Variants in KCNQ2 observed in about 807,000 individuals in gnomAD.
KCNQ2 encodes the protein potassium voltage-gated channel subfamily KQT member 2.
Under a neutral mutation model 84.8 loss-of-function variants are expected in KCNQ2, and 14 were observed. The ratio of observed to expected loss-of-function variants is 0.17; its 90% CI spans 0.11 to 0.26. The LOEUF (loss-of-function observed/expected upper bound fraction) is 0.26, where lower values mean the gene tolerates loss of function less well. Among genes scored for constraint, KCNQ2 ranks in the 10% least tolerant of loss-of-function variants. The pLI is 1.00. For missense variants in KCNQ2, 788 were observed against 1,254.0 expected (o/e 0.63, Z 5.61); for synonymous variants, 599 against 554.1 (o/e 1.08, Z -1.14).
chr20:63,470,108 A>G (rs917804755), intron 1 of KCNQ2, among the ~76,000 whole-genome samples: 1 of 152,196 alleles, frequency 6.6e-6, no homozygotes, highest in Non-Finnish European at 1.5e-5. Context: ...CCAGTGTCCA[A>G]CCCGAGGCAG....
At chr20:63,415,864 C>T (rs183735704) in intron 12 of KCNQ2, among the ~76,000 whole-genome samples, 1 of 152,288 alleles carries the variant, frequency 6.6e-6, no homozygotes, top group Admixed American at 6.5e-5. Flanking sequence ...AGCCTCCCTC[C>T]TCCCCTCCCA....
chr20:63,442,779 C>G (rs202110551), intron 4 of KCNQ2, among the ~76,000 whole-genome samples: 1 of 23,266 alleles, frequency 4.3e-5, no homozygotes, highest in African/African-American at 2.4e-4. Flanking sequence ...ACCATCACCA[C>G]CACCACCATC....
chr20:63,439,796 G>T, intron 5 of KCNQ2, 88 bp from the exon 6 acceptor site: 1 of 954,938 alleles, frequency 1.0e-6, no homozygotes, highest in East Asian at 2.5e-5. Flanking sequence ...CGGGGCTTGG[G>T]ATGGGACAGA....
chr20:63,462,009 T>A (rs78541511), intron 1 of KCNQ2, among the ~76,000 whole-genome samples: 2 of 112,062 alleles, frequency 1.8e-5, no homozygotes, highest in Non-Finnish European at 3.6e-5. Context: ...GGGAGGAGGC[T>A]GCACCTACCC....
rs190905407 is a variant in KCNQ2, at chr20:63,468,041, T to C, written c.296+4127A>G. 7.9e-5 allele frequency among the ~76,000 whole-genome samples: 12 copies of C among 152,330 alleles called. No homozygotes were observed. The East Asian group carries it at 2.3e-3, about 29-fold the overall frequency. Reference sequence around the variant, plus strand: ...ACAGAGATTGACTCCACTGTGTAACTAAGCAGCATCATGTACAATGTCTTA... The same window carrying C: ...ACAGAGATTGACTCCACTGTGTAACCAAGCAGCATCATGTACAATGTCTTA... On this transcript the variant is annotated intron_variant, in intron 1 of 16. Coordinates refer to ENST00000359125, the MANE Select transcript of KCNQ2 (RefSeq NM_172107.4).
At chr20:63,442,893 C>CCATTAT (rs2081246358) in intron 4 of KCNQ2, among the ~76,000 whole-genome samples, 1 of 6,248 alleles carries the variant, frequency 1.6e-4, no homozygotes, top group Non-Finnish European at 3.5e-4. Flanking sequence ...ACCACCATCA[C>CCATTAT]CACCATCACC....
intron 8 of KCNQ2, chr20:63,433,519 C>T: frequency 3.3e-6 from 2 of 605,348 alleles, no homozygotes; most frequent in East Asian, 5.6e-5. Flanking sequence ...GGGCATTTAC[C>T]TTGAGCTCCC....
intron 11 of KCNQ2, among the ~76,000 whole-genome samples, 175 bp from the exon 12 acceptor site, chr20:63,419,847 A>G (rs1337025627): frequency 2.0e-5 from 3 of 152,126 alleles, no homozygotes; most frequent in Non-Finnish European, 4.4e-5. Context: ...CGTCCGGAGA[A>G]GAAAACACTT....
intron 7 of KCNQ2, among the ~76,000 whole-genome samples, chr20:63,436,060 G>T (rs1315009355): frequency 6.6e-6 from 1 of 150,426 alleles, no homozygotes; most frequent in Non-Finnish European, 1.5e-5. Flanking sequence ...GACAAGGAAT[G>T]AGAACATTAT....
In KCNQ2 at chr20:63,407,291, A is replaced by G; in HGVS notation, c.1972T>C (p.Tyr658His). ...MGIPPTETEAYFGAKEPEPAP... is the reference protein window; with the variant it reads ...MGIPPTETEAHFGAKEPEPAP... ...GGCTCCGGCTCTTTGGCCCCAAAGT[A>G]GGCCTCGGTCTCTGTCGGGGGGATG... The change falls in exon 17 of 17, where the codon TAC becomes CAC. Residue 658 changes from tyrosine to histidine, a missense_variant. By Grantham distance (83) the Tyr-to-His change is moderately conservative (BLOSUM62 2). Around this residue, in one of 8 missense-constraint regions of KCNQ2, gnomAD observed 378 missense variants for 434.5 expected, o/e 0.87. Transcript: ENST00000359125. This position sits in a 1 kb window ranked among gnomAD's most constrained non-coding sequence, Gnocchi z 7.2. 17 of 1,595,380 alleles carry G rather than the reference A, an allele frequency of 1.1e-5. No individual in the cohort carries two copies. The highest frequency in any genetic ancestry group is 1.0e-5 in the Non-Finnish European group (12 of 1,176,908).
At chr20:63,456,902 G>A (rs1197717382) in intron 1 of KCNQ2, among the ~76,000 whole-genome samples, 1 of 152,138 alleles carries the variant, frequency 6.6e-6, no homozygotes, top group Middle Eastern at 3.4e-3. Context: ...GAGCCCAGCA[G>A]GGCCCCGGGG....
intron 7 of KCNQ2, among the ~76,000 whole-genome samples, chr20:63,435,141 A>C (rs529455786): frequency 1.2e-4 from 19 of 152,280 alleles, no homozygotes; most frequent in African/African-American, 3.9e-4. Context: ...GAGGCTCACA[A>C]CACCTTGGAG....
Position 63,407,324 on chromosome 20 carries a change from G to T in KCNQ2, c.1939C>A (p.Arg647=). Residue 647 remains arginine, a synonymous_variant, in exon 17 of 17, where the codon CGG becomes AGG. Coordinates refer to ENST00000359125, the MANE Select transcript of KCNQ2 (RefSeq NM_172107.4). This position sits in a 1 kb window ranked among gnomAD's most constrained non-coding sequence, Gnocchi z 7.2. ...GTCTCTGTCGGGGGGATGCCCATCC[G>T]CTGCATGTAGATATTCACCAGGAAG... is the stretch of plus-strand genomic sequence containing the variant. ...LDFLVNIYMQ[R]MGIPPTETEA... is the part of the protein sequence containing the mutation. The T allele has an allele frequency of 6.3e-7, 1 of 1,597,024 alleles. No individual in the cohort carries two copies.
intron 11 of KCNQ2, among the ~76,000 whole-genome samples, chr20:63,422,894 G>A (rs145452678): frequency 1.4e-4 from 21 of 152,180 alleles, no homozygotes; most frequent in Non-Finnish European, 1.9e-4. Context: ...CGCGGAAGCC[G>A]TCGGGAAGCC....
At chr20:63,423,166 G>A (rs548956038) in intron 11 of KCNQ2, among the ~76,000 whole-genome samples, 3 of 152,286 alleles carry the variant, frequency 2.0e-5, no homozygotes, top group South Asian at 2.1e-4. Flanking sequence ...GGTGTGGGCC[G>A]GAAGCATTGC....
At chr20:63,430,201 G>A (rs1028373316) in intron 9 of KCNQ2, among the ~76,000 whole-genome samples, 34 of 152,108 alleles carry the variant, frequency 2.2e-4, no homozygotes, top group African/African-American at 7.7e-4. Flanking sequence ...AGGGCAGGAC[G>A]GAGCTGTGGG....
At position 63,472,211 on chromosome 20, in the gene KCNQ2, G is replaced by T; in HGVS notation, c.253C>A (p.Leu85Met). 2 of 1,547,490 alleles carry T rather than the reference G, an allele frequency of 1.3e-6. No homozygotes were observed. Among genetic ancestry groups the T allele is most frequent in the Non-Finnish European group, 1.7e-6 (2 of 1,147,954 alleles). Reference protein sequence around the residue: ...RKLQNFLYNVLERPRGWAFIY... With the variant: ...RKLQNFLYNVMERPRGWAFIY... Reference sequence around the variant, plus strand: ...AACGCCCAGCCGCGCGGCCGCTCCAGCACGTTGTAGAGGAAATTCTGCAGC... The same window carrying T: ...AACGCCCAGCCGCGCGGCCGCTCCATCACGTTGTAGAGGAAATTCTGCAGC... Residue 85 changes from leucine (L) to methionine (M), a missense_variant, in exon 1 of 17, where the codon CTG becomes ATG. This residue lies in a region of KCNQ2 where 106 missense variants were observed against 214.8 expected (regional missense o/e 0.49). Coordinates refer to ENST00000359125, the MANE Select transcript of KCNQ2 (RefSeq NM_172107.4).
At chr20:63,465,346 G>A (rs2082052943) in intron 1 of KCNQ2, among the ~76,000 whole-genome samples, 1 of 152,256 alleles carries the variant, frequency 6.6e-6, no homozygotes, top group South Asian at 2.1e-4. Flanking sequence ...GGCTAAAGGG[G>A]AAACAGAGGG....
Position 63,433,903 on chromosome 20 carries a change from A to G in KCNQ2, c.1024T>C (p.Ser342Pro), listed in dbSNP as rs776799689. The G allele has an allele frequency of 6.2e-7, 1 of 1,613,254 alleles. No individual in the cohort carries two copies. Among genetic ancestry groups the G allele is most frequent in the Non-Finnish European group, 8.5e-7 (1 of 1,179,832 alleles). The part of the protein sequence containing the change: ...RRNPAAGLIQ[S>P]AWRFYATNLS... Reference sequence around the variant, plus strand: ...TTGGTGGCGTAGAATCTCCAGGCCGACTGCGGAGGGAAAGACAAGGCAGTT... The same window carrying G: ...TTGGTGGCGTAGAATCTCCAGGCCGGCTGCGGAGGGAAAGACAAGGCAGTT... The change falls in exon 8 of 17, where the codon TCG (serine) becomes CCG (proline). Residue 342 changes from serine (S) to proline (P), a missense_variant and splice_region_variant. Ser to Pro is a moderately conservative substitution (Grantham distance 74). This residue lies in a region of KCNQ2 where 16 missense variants were observed against 38.7 expected (regional missense o/e 0.41). Coordinates refer to ENST00000359125, the MANE Select transcript of KCNQ2 (RefSeq NM_172107.4).
Sources: gnomAD v4.1 joint callset for allele counts (sites outside exome capture counted in the v4.1 genomes callset) on GRCh38, gnomAD v4.1.1 for gene constraint, gnomAD v4.1.1 regional missense constraint, Gnocchi (gnomAD v3.1) non-coding constraint, MANE v1.5 for transcripts, NCBI Gene and HGNC (gene_info 2026-07-23, HGNC 2026-07-21) for gene names.